Variants in CSMD1 observed in about 807,000 individuals in gnomAD.
The protein encoded by CSMD1 is CUB and sushi domain-containing protein 1.
A neutral mutation model predicts 417.5 loss-of-function variants in CSMD1; 213 were observed. The ratio of observed to expected loss-of-function variants is 0.51; its 90% confidence interval spans 0.46 to 0.57. The LOEUF is 0.57. CSMD1 is among the 20% of genes least tolerant of loss of function. The pLI is 0.00. For synonymous variants in CSMD1, 2,862 were observed against 1,736.8 expected, an observed-to-expected ratio of 1.65 and a Z score of -16.11; for missense variants, 6,923 against 4,529.7, an observed-to-expected ratio of 1.53 and a Z score of -15.17.
intron 3 of CSMD1, among the ~76,000 whole-genome samples, chr8:4,092,154 C>T (rs2130850496): frequency 6.6e-6 from 1 of 152,226 alleles, no homozygotes; most frequent in African/African-American, 2.4e-5. Flanking sequence ...TCCTTAAATT[C>T]TACTAAAGAG....
At chr8:4,657,955 G>A (rs538938697) in intron 1 of CSMD1, among the ~76,000 whole-genome samples, 4 of 150,214 alleles carry the variant, frequency 2.7e-5, no homozygotes, top group African/African-American at 7.3e-5. Context: ...ATAAACTCAT[G>A]AGAAGGTTTC....
intron 3 of CSMD1, among the ~76,000 whole-genome samples, chr8:4,347,772 A>C (rs148016482): frequency 5.9e-5 from 9 of 152,330 alleles, no homozygotes; most frequent in Non-Finnish European, 1.2e-4. Flanking sequence ...TGTATTGGAT[A>C]AAGTTTTAGT....
At chr8:3,432,261 A>C (rs946993573) in intron 12 of CSMD1, among the ~76,000 whole-genome samples, 3 of 152,172 alleles carry the variant, frequency 2.0e-5, no homozygotes, top group African/African-American at 7.2e-5. Context: ...ATAGATTTTT[A>C]AATAAAATAT....
intron 1 of CSMD1, among the ~76,000 whole-genome samples, chr8:4,973,770 A>T (rs1810381513): frequency 6.6e-6 from 1 of 152,302 alleles, no homozygotes; most frequent in Non-Finnish European, 1.5e-5. Flanking sequence ...CCAAAGATGT[A>T]AAAGGGAAAC....
At chr8:4,908,906 T>G (rs1024565407) in intron 1 of CSMD1, among the ~76,000 whole-genome samples, 4 of 152,290 alleles carry the variant, frequency 2.6e-5, no homozygotes, top group Non-Finnish European at 4.4e-5. Flanking sequence ...TGTCAACATA[T>G]CTCTCAAATC....
At chr8:4,219,240 G>A (rs1357024005) in intron 3 of CSMD1, among the ~76,000 whole-genome samples, 1 of 152,086 alleles carries the variant, frequency 6.6e-6, no homozygotes, top group Non-Finnish European at 1.5e-5. Context: ...CACTCCATCT[G>A]CTAAATATAG....
At chr8:4,821,360 G>T (rs769222329) in intron 1 of CSMD1, among the ~76,000 whole-genome samples, 16 of 152,062 alleles carry the variant, frequency 1.1e-4, no homozygotes, top group Non-Finnish European at 8.8e-5. Flanking sequence ...TAGTTAAATA[G>T]CTCCAAAGAG....
intron 10 of CSMD1, among the ~76,000 whole-genome samples, chr8:3,513,066 C>T (rs1797143588): frequency 6.6e-6 from 1 of 151,896 alleles, no homozygotes; most frequent in Non-Finnish European, 1.5e-5. Flanking sequence ...AAACGGATAG[C>T]TGTGTTTTCA....
At chr8:3,358,318 A>C (rs1460481425) in intron 21 of CSMD1, among the ~76,000 whole-genome samples, 1 of 152,144 alleles carries the variant, frequency 6.6e-6, no homozygotes, top group Non-Finnish European at 1.5e-5. Context: ...GTTTTCTGTA[A>C]CTTTAAAGAA....
intron 49 of CSMD1, among the ~76,000 whole-genome samples, chr8:3,066,460 C>T (rs1366938440): frequency 6.6e-6 from 1 of 152,156 alleles, no homozygotes; most frequent in Non-Finnish European, 1.5e-5. Flanking sequence ...CTGCAGCCAA[C>T]AAGAATTCAT....
At chr8:3,723,706 G>C (rs1361835948) in intron 6 of CSMD1, among the ~76,000 whole-genome samples, 1 of 152,114 alleles carries the variant, frequency 6.6e-6, no homozygotes, top group Non-Finnish European at 1.5e-5. Context: ...ATTAACACGT[G>C]TGCTTTTTTA....
chr8:3,581,945 T>C (rs773627787), intron 9 of CSMD1, among the ~76,000 whole-genome samples: 1 of 152,096 alleles, frequency 6.6e-6, no homozygotes, highest in Non-Finnish European at 1.5e-5. Context: ...GCTGGGATTA[T>C]AGGCATGCAC....
At chr8:4,865,648 A>G (rs910204894) in intron 1 of CSMD1, among the ~76,000 whole-genome samples, 1 of 151,838 alleles carries the variant, frequency 6.6e-6, no homozygotes, top group African/African-American at 2.4e-5. Context: ...ATGCACTTCA[A>G]TTTTGCATTT....
chr8:4,490,159 G>C (rs62479710), intron 2 of CSMD1, among the ~76,000 whole-genome samples: 13,286 of 150,994 alleles, frequency 0.088, 634 homozygotes, highest in Middle Eastern at 0.11. Context: ...TCCTGCTTCA[G>C]CCTCTCAGGT....
intron 2 of CSMD1, among the ~76,000 whole-genome samples, chr8:4,425,191 G>C (rs1229201008): frequency 6.6e-6 from 1 of 151,936 alleles, no homozygotes; most frequent in Admixed American, 6.6e-5. Flanking sequence ...TGATTACGAA[G>C]GGGTGTGGTC....
chr8:3,138,036 C>T lies in CSMD1; in HGVS notation c.6241+4429G>A, dbSNP rs142313211. 5.2e-3 allele frequency among the ~76,000 whole-genome samples: 785 copies of T among 152,232 alleles called. 5 individuals carry two copies. The highest frequency in any genetic ancestry group is 0.029 in the South Asian group (138 of 4,822). On this transcript the variant is annotated intron_variant, in intron 41 of 69. Coordinates refer to ENST00000635120, the MANE Select transcript of CSMD1 (RefSeq NM_033225.6). Reference sequence around the variant, plus strand: ...GGTCAGGAGTTCGAGACCAACCTGGCCAACATGGGTGAAACCCTGTCTCTA... The same window carrying T: ...GGTCAGGAGTTCGAGACCAACCTGGTCAACATGGGTGAAACCCTGTCTCTA...
chr8:3,663,964 A>G (rs1285426700), intron 7 of CSMD1, among the ~76,000 whole-genome samples: 1 of 152,178 alleles, frequency 6.6e-6, no homozygotes, highest in Non-Finnish European at 1.5e-5. Context: ...GCTTTGTTCA[A>G]ACATTACTAA....
At chr8:4,885,897 C>A (rs1803706011) in intron 1 of CSMD1, among the ~76,000 whole-genome samples, 1 of 152,060 alleles carries the variant, frequency 6.6e-6, no homozygotes, top group South Asian at 2.1e-4. Flanking sequence ...TTTCTCCATG[C>A]TGACAAAGAT....
At position 3,937,799 on chromosome 8, in the gene CSMD1, A is replaced by G. The variant is rs549149569; in HGVS notation, c.818+60104T>C. Among the ~76,000 whole-genome samples, 20 of 152,250 alleles carry G rather than the reference A, an allele frequency of 1.3e-4. 1 individual carries two copies. The South Asian group carries it at 3.9e-3, about 30-fold the overall frequency. The stretch of plus-strand genomic sequence containing the variant: ...TCATGAGAGCCTCACATAGAATGTT[A>G]CTTCAATTACTGCTTACACAGGAAA... On this transcript the variant is annotated intron_variant, in intron 5 of 69. Coordinates refer to ENST00000635120, the MANE Select transcript of CSMD1 (RefSeq NM_033225.6).
Sources: gnomAD v4.1 joint callset for allele counts (sites outside exome capture counted in the v4.1 genomes callset) on GRCh38, gnomAD v4.1.1 for gene constraint, MANE v1.5 for transcripts, NCBI Gene and HGNC (gene_info 2026-07-23, HGNC 2026-07-21) for gene names.